The following MLLT3 variants were observed in gnomAD, a reference collection of about 807,000 sequenced individuals.
MLLT3 encodes protein AF-9.
MLLT3 carries 4 observed loss-of-function variants against 53.2 expected under a neutral mutation model. That is an observed-to-expected ratio of 0.08 (90% CI 0.04 to 0.17). MLLT3 has a LOEUF of 0.17. Among genes scored for constraint, MLLT3 ranks in the 10% least tolerant of loss-of-function variants. The probability of loss-of-function intolerance (pLI) is 1.00; values close to 1 mark genes in which losing one functional copy is unlikely to be tolerated. For synonymous variants in MLLT3, 283 were observed against 230.6 expected (o/e 1.23, Z -2.06); for missense variants, 569 against 684.0 (o/e 0.83, Z 1.87).
At chr9:20,494,734 T>C (rs79137816) in intron 2 of MLLT3, among the ~76,000 whole-genome samples, 6,730 of 152,228 alleles carry the variant, frequency 0.044, 500 homozygotes, top group African/African-American at 0.15. Context: ...CCACGGACAT[T>C]TTCTCAATAT....
At position 20,413,832 on chromosome 9, in the gene MLLT3, G is replaced by C. The variant is rs1822792422; in HGVS notation, c.1014C>G (p.Val338=). ...KDKSHVKMGK[V]KIESETSEKK... ...TCTCTGATGTCTCACTTTCAATTTT[G>C]ACCTTTCCCATCTTGACATGAGATT... Residue 338 remains valine, a synonymous_variant, in exon 5 of 11, where the codon GTC becomes GTG. Transcript: ENST00000380338. The C allele has an allele frequency of 1.2e-6, 2 of 1,613,956 alleles. No individual in the cohort carries two copies. The highest frequency in any genetic ancestry group is 2.7e-5 in the African/African-American group (2 of 75,030).
chr9:20,545,749 T>C (rs1818769687), intron 2 of MLLT3, among the ~76,000 whole-genome samples: 1 of 150,100 alleles, frequency 6.7e-6, no homozygotes, highest in African/African-American at 2.5e-5. Flanking sequence ...CCAGGTCCAG[T>C]GGCTCACATG....
At chr9:20,445,672 G>A (rs779411745) in intron 4 of MLLT3, among the ~76,000 whole-genome samples, 2 of 152,090 alleles carry the variant, frequency 1.3e-5, no homozygotes, top group Non-Finnish European at 2.9e-5. Context: ...AATAATAAAA[G>A]AGAAGGAACC....
intron 2 of MLLT3, among the ~76,000 whole-genome samples, chr9:20,589,728 T>G (rs1054658528): frequency 2.7e-5 from 4 of 150,660 alleles, no homozygotes; most frequent in African/African-American, 9.8e-5. Context: ...TTTTTTTTTT[T>G]GAGGTGGAGT....
chr9:20,512,535 C>G (rs1217891099), intron 2 of MLLT3, among the ~76,000 whole-genome samples: 1 of 152,182 alleles, frequency 6.6e-6, no homozygotes, highest in Non-Finnish European at 1.5e-5. Context: ...TGCAGAACCA[C>G]TGCCCCTAAC....
At chr9:20,428,066 C>G (rs7041779) in intron 4 of MLLT3, among the ~76,000 whole-genome samples, 34,287 of 151,844 alleles carry the variant, frequency 0.23, 7,122 homozygotes, top group East Asian at 0.68. Flanking sequence ...TTCCACCACA[C>G]AAATAAGTAA....
intron 2 of MLLT3, among the ~76,000 whole-genome samples, chr9:20,586,453 A>T (rs78234924): frequency 0.018 from 2,662 of 151,948 alleles, 76 homozygotes; most frequent in East Asian, 0.14. Context: ...CCCAAAAGTG[A>T]TATCACTGAC....
intron 2 of MLLT3, among the ~76,000 whole-genome samples, chr9:20,617,967 C>A (rs950480928): frequency 6.6e-6 from 1 of 152,144 alleles, no homozygotes; most frequent in African/African-American, 2.4e-5. Flanking sequence ...AAAATCAATT[C>A]ACTTTTCCAA....
intron 5 of MLLT3, among the ~76,000 whole-genome samples, chr9:20,403,305 T>G (rs1822502166): frequency 1.3e-5 from 2 of 152,194 alleles, no homozygotes; most frequent in African/African-American, 4.8e-5. Context: ...AATTTGGTCT[T>G]AAACCTTCAA....
At chr9:20,590,875 G>C (rs903266583) in intron 2 of MLLT3, among the ~76,000 whole-genome samples, 1 of 151,900 alleles carries the variant, frequency 6.6e-6, no homozygotes, top group Admixed American at 6.6e-5. Context: ...AGTTGGGATG[G>C]ATGATGGACA....
intron 2 of MLLT3, among the ~76,000 whole-genome samples, chr9:20,496,617 G>T (rs1244322768): frequency 6.6e-6 from 1 of 152,148 alleles, no homozygotes; most frequent in Non-Finnish European, 1.5e-5. Flanking sequence ...GTTGTGGTTT[G>T]TGCTGTGTTA....
chr9:20,535,301 C>T (rs1009979508), intron 2 of MLLT3, among the ~76,000 whole-genome samples: 6 of 152,102 alleles, frequency 3.9e-5, no homozygotes, highest in African/African-American at 9.7e-5. Flanking sequence ...AGTTTCATCC[C>T]GAAACCATCC....
At chr9:20,435,923 TAGTGGA>T (rs1823390447) in intron 4 of MLLT3, among the ~76,000 whole-genome samples, 1 of 151,816 alleles carries the variant, frequency 6.6e-6, no homozygotes. Context: ...CATGGCGGGG[TAGTGGA>T]ATATGACTAT....
Position 20,622,246 on chromosome 9 carries a change from G to A in MLLT3, c.11C>T (p.Ser4Leu). 2.5e-6 allele frequency: 4 copies of A among 1,601,542 alleles called. No homozygotes were observed. The highest frequency in any genetic ancestry group is 2.6e-6 in the Non-Finnish European group (3 of 1,173,374). The change falls in exon 1 of 11, where the codon TCG (serine) becomes TTG (leucine). Residue 4 changes from serine (S) to leucine (L), a missense_variant and splice_region_variant. Physicochemically the swap from Ser to Leu is moderately radical, Grantham distance 145. This residue lies in a region of MLLT3 where 13 missense variants were observed against 16.2 expected (regional missense o/e 0.80). Coordinates refer to ENST00000380338, the MANE Select transcript of MLLT3 (RefSeq NM_004529.4). ...ATTATTATTTTTGCGCGTACTTACC[G>A]AGCTAGCCATGCCTGGGGGCCCGGA... MAS[S>L]CAVQVKLELG...
chr9:20,474,186 G>C (rs1824464578), intron 2 of MLLT3, among the ~76,000 whole-genome samples: 1 of 151,954 alleles, frequency 6.6e-6, no homozygotes, highest in African/African-American at 2.4e-5. Flanking sequence ...CTAATTATTG[G>C]ACTGATTTGA....
chr9:20,505,753 G>A (rs950879200), intron 2 of MLLT3, among the ~76,000 whole-genome samples: 88 of 152,130 alleles, frequency 5.8e-4, no homozygotes, highest in African/African-American at 1.9e-3. Context: ...GTTTTTCCTC[G>A]TCCTCTATGC....
chr9:20,392,769 G>C (rs917631039), intron 5 of MLLT3, among the ~76,000 whole-genome samples: 2 of 152,138 alleles, frequency 1.3e-5, no homozygotes, highest in African/African-American at 2.4e-5. Flanking sequence ...CCCTCTGCAA[G>C]AGATCTCTTT....
intron 2 of MLLT3, among the ~76,000 whole-genome samples, chr9:20,463,825 A>G (rs978743734): frequency 4.6e-5 from 7 of 152,160 alleles, no homozygotes; most frequent in Non-Finnish European, 8.8e-5. Flanking sequence ...TGGGCAAAAT[A>G]TTCATATTTC....
At chr9:20,383,463 G>T (rs1821952598) in intron 5 of MLLT3, among the ~76,000 whole-genome samples, 1 of 151,778 alleles carries the variant, frequency 6.6e-6, no homozygotes, top group Admixed American at 6.6e-5. Context: ...TTCTAGCTAT[G>T]TGACCTTAGC....
Sources: gnomAD v4.1 joint callset for allele counts (sites outside exome capture counted in the v4.1 genomes callset) on GRCh38, gnomAD v4.1.1 for gene constraint, gnomAD v4.1.1 regional missense constraint, MANE v1.5 for transcripts, NCBI Gene and HGNC (gene_info 2026-07-23, HGNC 2026-07-21) for gene names.